The following TGFA variants were observed in gnomAD, a reference collection of about 807,000 sequenced individuals.
The protein encoded by TGFA is transforming growth factor alpha.
In TGFA, 12 loss-of-function variants were observed where a neutral mutation model predicts 21.7. The observed-to-expected ratio is 0.55, with a 90% CI of 0.35 to 0.90. TGFA has a LOEUF of 0.90. Ranked by LOEUF, TGFA falls within the 40% of genes least tolerant of loss-of-function variation. The pLI is 0.01. For synonymous variants in TGFA, 79 were observed against 88.1 expected (o/e 0.90, Z 0.58); for missense variants, 178 against 210.8 (o/e 0.84, Z 0.96).
intron 1 of TGFA, among the ~76,000 whole-genome samples, chr2:70,551,254 G>A (rs1037102800): frequency 2.0e-5 from 3 of 152,202 alleles, no homozygotes; most frequent in Non-Finnish European, 4.4e-5. Context: ...AGGAGGAAAT[G>A]TAACTGGAAA....
Position 70,453,313 on chromosome 2 carries a change from CGGACCT to C in TGFA, c.374_379del (p.Gln125_Val126del). The C allele has an allele frequency of 6.2e-7, 1 of 1,613,488 alleles. No homozygotes were observed. Among genetic ancestry groups the C allele is most frequent in the Non-Finnish European group, 8.5e-7 (1 of 1,179,622 alleles). ...GGCCCGGCACCACTCACAGTGTTTTCGGACCTGGCAGCAGCTGCAAAGACACAGAGG... is the reference window on the plus strand; with the variant it reads ...GGCCCGGCACCACTCACAGTGTTTTCGGCAGCAGCTGCAAAGACACAGAGG... On this transcript the variant is annotated inframe_deletion, in exon 5 of 6. Coordinates refer to ENST00000295400, the MANE Select transcript of TGFA (RefSeq NM_003236.4).
At chr2:70,450,943 A>T in intron 5 of TGFA, 77 bp from the exon 6 acceptor site, 1 of 1,538,616 alleles carries the variant, frequency 6.5e-7, no homozygotes, top group Non-Finnish European at 8.9e-7. Flanking sequence ...TAGGAAAGAG[A>T]CTTGGAGATG....
intron 2 of TGFA, chr2:70,468,497 T>C (rs1044043555): frequency 5.3e-5 from 8 of 152,244 alleles, no homozygotes; most frequent in Non-Finnish European, 5.9e-5. Context: ...CTGTGCTCAC[T>C]GAACTTGTCA....
intron 2 of TGFA, among the ~76,000 whole-genome samples, chr2:70,499,305 C>T (rs749373814): frequency 2.0e-5 from 3 of 152,200 alleles, no homozygotes; most frequent in Admixed American, 6.5e-5. Context: ...TGACAAGTAA[C>T]GCATAACTAG....
intron 1 of TGFA, among the ~76,000 whole-genome samples, chr2:70,543,039 G>A (rs1553505376): frequency 6.6e-6 from 1 of 151,998 alleles, no homozygotes; most frequent in East Asian, 1.9e-4. Flanking sequence ...GGAGGTGGAG[G>A]TTGCAGTGAG....
At chr2:70,514,351 G>C (rs1306798812) in intron 2 of TGFA, among the ~76,000 whole-genome samples, 1 of 151,524 alleles carries the variant, frequency 6.6e-6, no homozygotes, top group African/African-American at 2.4e-5. Context: ...CTGATGGTTT[G>C]CCTCCTACAT....
chr2:70,454,810 A>T (rs574944409), intron 4 of TGFA, among the ~76,000 whole-genome samples: 1 of 152,286 alleles, frequency 6.6e-6, no homozygotes, highest in African/African-American at 2.4e-5. Context: ...CTCCCTGGAA[A>T]TGAGAGATGC....
Position 70,453,304 on chromosome 2 carries a change from C to G in TGFA, c.389G>C (p.Cys130Ser), listed in dbSNP as rs782356331. 1.2e-6 allele frequency: 2 copies of G among 1,613,888 alleles called. No homozygotes were observed. Among genetic ancestry groups the G allele is most frequent in the South Asian group, 2.2e-5 (2 of 91,068 alleles). Residue 130 changes from cysteine (C) to serine (S), a missense_variant, in exon 5 of 6, where the codon TGT becomes TCT. Transcript: ENST00000295400. ...GCAGATGAGGGCCCGGCACCACTCA[C>G]AGTGTTTTCGGACCTGGCAGCAGCT... ...LIHCCQVRKH[C>S]EWCRALICRH... is the part of the protein sequence containing the mutation.
At chr2:70,546,187 C>G (rs1673295800) in intron 1 of TGFA, among the ~76,000 whole-genome samples, 1 of 152,120 alleles carries the variant, frequency 6.6e-6, no homozygotes, top group African/African-American at 2.4e-5. Context: ...ACTTCTTTGA[C>G]TTTAGGCACT....
At chr2:70,485,303 ATC>A (rs1414855380) in intron 2 of TGFA, among the ~76,000 whole-genome samples, 2 of 152,026 alleles carry the variant, frequency 1.3e-5, no homozygotes, top group Non-Finnish European at 2.9e-5. Context: ...CAGTGGCACG[ATC>A]TGGCTCACTG....
At chr2:70,475,254 A>G (rs1365499453) in intron 2 of TGFA, among the ~76,000 whole-genome samples, 1 of 152,214 alleles carries the variant, frequency 6.6e-6, no homozygotes, top group Non-Finnish European at 1.5e-5. Flanking sequence ...TATTATTAGG[A>G]GCAGCTACTA....
Position 70,508,266 on chromosome 2 carries a change from G to A in TGFA, c.94+6593C>T, listed in dbSNP as rs574181333. ...TTGAGACCAGCCTGGCCTACACGGCGAAACCCTGTCTCCACTAAAAATACA... is the reference window on the plus strand; with the variant it reads ...TTGAGACCAGCCTGGCCTACACGGCAAAACCCTGTCTCCACTAAAAATACA... On this transcript the variant is annotated intron_variant, in intron 2 of 5. Transcript: ENST00000295400. Among the ~76,000 whole-genome samples, 12 of 152,284 alleles carry A rather than the reference G, an allele frequency of 7.9e-5. No homozygotes were observed. In the South Asian group the frequency reaches 1.7e-3, roughly 21 times the overall value.
chr2:70,502,344 T>A (rs1465034890), intron 2 of TGFA, among the ~76,000 whole-genome samples: 1 of 152,194 alleles, frequency 6.6e-6, no homozygotes, highest in East Asian at 1.9e-4. Flanking sequence ...TTGTTTGTTT[T>A]TGTTTTTGTT....
At chr2:70,542,288 C>T (rs1003039880) in intron 1 of TGFA, among the ~76,000 whole-genome samples, 3 of 152,080 alleles carry the variant, frequency 2.0e-5, no homozygotes. Context: ...GAACTATTAG[C>T]CAGTTAATCT....
intron 4 of TGFA, among the ~76,000 whole-genome samples, chr2:70,454,026 G>C (rs1670143330): frequency 6.6e-6 from 1 of 150,530 alleles, no homozygotes; most frequent in South Asian, 2.1e-4. Flanking sequence ...AGCCCCAAAA[G>C]AACAGAAAAG....
At chr2:70,546,758 T>C (rs782775101) in intron 1 of TGFA, among the ~76,000 whole-genome samples, 2 of 152,142 alleles carry the variant, frequency 1.3e-5, no homozygotes, top group Non-Finnish European at 2.9e-5. Context: ...TCTCACTATG[T>C]TGCCCAGGCT....
chr2:70,515,262 T>C (rs942083360), intron 1 of TGFA, among the ~76,000 whole-genome samples: 4 of 152,336 alleles, frequency 2.6e-5, no homozygotes, highest in Admixed American at 2.6e-4. Context: ...ACATAAAATT[T>C]ACCATTTCAA....
chr2:70,450,765 G>A lies in TGFA; in HGVS notation c.*94C>T. ...TACAGGCCAAGTAGGAAGGTCTGTGGCACACCCAGGCATCTCTGGCAGTGC... is the reference window on the plus strand; with the variant it reads ...TACAGGCCAAGTAGGAAGGTCTGTGACACACCCAGGCATCTCTGGCAGTGC... On this transcript the variant is annotated 3_prime_UTR_variant, in exon 6 of 6. Transcript: ENST00000295400. The A allele has an allele frequency of 6.9e-7, 1 of 1,449,666 alleles. No homozygotes were observed. Among genetic ancestry groups the A allele is most frequent in the Non-Finnish European group, 9.5e-7 (1 of 1,049,306 alleles). 89.8% of individuals were successfully genotyped at this position (1,449,666 alleles called of 1,614,324 possible). A position where few individuals can be genotyped will look rare whatever the true frequency, so the allele number is the denominator to read the frequency against.
In TGFA at chr2:70,456,380, G is replaced by A. The variant is rs915397391; in HGVS notation, c.324C>T (p.Ile108=). 2.5e-6 allele frequency: 4 copies of A among 1,574,442 alleles called. No homozygotes were observed. Among genetic ancestry groups the A allele is most frequent in the African/African-American group, 1.4e-5 (1 of 73,912 alleles). Residue 108 remains isoleucine (I), a synonymous_variant, in exon 4 of 6, where the codon ATC becomes ATT. Coordinates refer to ENST00000295400, the MANE Select transcript of TGFA (RefSeq NM_003236.4). ...QAITALVVVS[I]VALAVLIITC... is the part of the protein sequence containing the mutation. Reference sequence around the variant, plus strand: ...TGATGATAAGGACAGCCAGGGCCACGATGGAGACCACCACCAAGGCGGTGA... The same window carrying A: ...TGATGATAAGGACAGCCAGGGCCACAATGGAGACCACCACCAAGGCGGTGA...
Sources: allele counts gnomAD v4.1 joint callset (sites outside exome capture counted in the v4.1 genomes callset), GRCh38; gene constraint gnomAD v4.1.1; transcripts MANE v1.5; gene names NCBI Gene and HGNC (gene_info 2026-07-23, HGNC 2026-07-21).